ITGAV: variants seen among roughly 807,000 people sequenced by gnomAD.
The protein encoded by ITGAV is integrin subunit alpha V, also known as integrin alpha-V.
In ITGAV, 76 loss-of-function variants were observed where a neutral mutation model predicts 143.8. The ratio of observed to expected loss-of-function variants is 0.53; its 90% CI spans 0.44 to 0.64. The LOEUF (loss-of-function observed/expected upper bound fraction) is 0.64. Ranked by LOEUF, ITGAV falls within the 30% of genes least tolerant of loss-of-function variation. ITGAV has a pLI of 0.00. For synonymous variants in ITGAV, 453 were observed against 446.7 expected, an observed-to-expected ratio of 1.01 and a Z score of -0.18; for missense variants, 1,193 against 1,274.7, an observed-to-expected ratio of 0.94 and a Z score of 0.98.
In ITGAV at chr2:186,665,189, C is replaced by T. The variant is rs770275333; in HGVS notation, c.2137C>T (p.Leu713Phe). 7 of 1,611,898 alleles carry T rather than the reference C, an allele frequency of 4.3e-6. No homozygotes were observed. The Admixed American group carries it at 1.2e-4, about 27-fold the overall frequency. The change falls in exon 21 of 30, where the codon CTT becomes TTT. Residue 713 changes from leucine (L) to phenylalanine (F), a missense_variant. By Grantham distance (22) the Leu-to-Phe change is conservative (BLOSUM62 0). Coordinates refer to ENST00000261023, the MANE Select transcript of ITGAV (RefSeq NM_002210.5). ...CCAAACTCGCCAGGTGGTATGTGACCTTGGAAACCCAATGAAGGCTGGAAC... is the reference window on the plus strand; with the variant it reads ...CCAAACTCGCCAGGTGGTATGTGACTTTGGAAACCCAATGAAGGCTGGAAC... ...ENQTRQVVCD[L>F]GNPMKAGTQL...
chr2:186,602,193 G>GAT, intron 2 of ITGAV, 42 bp downstream of exon 2: 3 of 1,559,604 alleles, frequency 1.9e-6, no homozygotes, highest in Non-Finnish European at 2.6e-6. Context: ...GATTTCATTT[G>GAT]ATTTTTTTTT....
intron 26 of ITGAV, among the ~76,000 whole-genome samples, chr2:186,674,332 A>G (rs879281656): frequency 1.3e-5 from 2 of 151,948 alleles, no homozygotes; most frequent in Non-Finnish European, 2.9e-5. Flanking sequence ...TTTCTTATTG[A>G]TAGTATACTG....
intron 18 of ITGAV, among the ~76,000 whole-genome samples, chr2:186,661,523 G>T (rs568051028): frequency 1.6e-4 from 24 of 151,624 alleles, no homozygotes; most frequent in African/African-American, 5.8e-4. Context: ...GAGATTTAGT[G>T]CTTTCTGCAG....
intron 3 of ITGAV, among the ~76,000 whole-genome samples, chr2:186,622,765 T>C (rs761473517): frequency 8.6e-5 from 13 of 151,942 alleles, no homozygotes; most frequent in South Asian, 2.1e-4. Flanking sequence ...CTCTCTCTCT[T>C]TTTTTTTCTT....
In ITGAV at chr2:186,622,419, G is replaced by A; in HGVS notation, c.397G>A (p.Asp133Asn). 6 of 1,611,512 alleles carry A rather than the reference G, an allele frequency of 3.7e-6. No homozygotes were observed. The highest frequency in any genetic ancestry group is 3.4e-6 in the Non-Finnish European group (4 of 1,177,688). Residue 133 changes from aspartate to asparagine, a missense_variant, in exon 3 of 30, where the codon GAT becomes AAT. Coordinates refer to ENST00000261023, the MANE Select transcript of ITGAV (RefSeq NM_002210.5). ...WFGASVRSKQ[D>N]KILACAPLYH... ...TGGAGCATCTGTGAGGTCGAAACAGGATAAAATTTTGGTGAGTCTTCTGGA... is the reference window on the plus strand; with the variant it reads ...TGGAGCATCTGTGAGGTCGAAACAGAATAAAATTTTGGTGAGTCTTCTGGA...
intron 1 of ITGAV, among the ~76,000 whole-genome samples, chr2:186,601,113 T>C (rs907563116): frequency 6.6e-6 from 1 of 152,100 alleles, no homozygotes; most frequent in Non-Finnish European, 1.5e-5. Flanking sequence ...AAATTAAAAA[T>C]TTTACTCCTG....
chr2:186,638,631 CGTGTGTGTGTGTGTGTGTGTGTGTGT>C (rs34535817), intron 10 of ITGAV, among the ~76,000 whole-genome samples, 166 bp downstream of exon 10: 2 of 144,794 alleles, frequency 1.4e-5, no homozygotes, highest in Non-Finnish European at 3.0e-5. Context: ...CTCTTTTGAG[CGTGTGTGTGTGTGTGTGTGTGTGTGT>C]GTGTGTGTGT....
At chr2:186,602,230 C>T in intron 2 of ITGAV, 79 bp downstream of exon 2, 5 of 1,188,600 alleles carry the variant, frequency 4.2e-6, no homozygotes, top group Non-Finnish European at 6.0e-6. Flanking sequence ...TAAATGTAGC[C>T]ATTTAATACA....
intron 2 of ITGAV, among the ~76,000 whole-genome samples, chr2:186,617,624 A>G (rs1687401817): frequency 6.6e-6 from 1 of 152,202 alleles, no homozygotes; most frequent in African/African-American, 2.4e-5. Context: ...GCCTTATGTT[A>G]ATTTATATAA....
intron 2 of ITGAV, 84 bp from the exon 3 acceptor site, chr2:186,622,255 C>T (rs1009819300): frequency 1.1e-6 from 1 of 919,044 alleles, no homozygotes. Context: ...TGTACTATTT[C>T]TCAACCTAGC....
rs181438255 is a variant in ITGAV, at chr2:186,632,113, C to A, written c.586-1216C>A. Reference sequence around the variant, plus strand: ...TAGGTACTGATAATTATAGTTAACTCTTCTTACTAGGTAACTTGTTTTTAA... The same window carrying A: ...TAGGTACTGATAATTATAGTTAACTATTCTTACTAGGTAACTTGTTTTTAA... On this transcript the variant is annotated intron_variant, in intron 5 of 29. Coordinates refer to ENST00000261023, the MANE Select transcript of ITGAV (RefSeq NM_002210.5). Among the ~76,000 whole-genome samples the A allele has an allele frequency of 3.2e-3, 480 of 151,844 alleles. 7 individuals carry two copies. Among genetic ancestry groups the A allele is most frequent in the African/African-American group, 0.011 (461 of 41,414 alleles).
chr2:186,615,488 T>C (rs1687328049), intron 2 of ITGAV, among the ~76,000 whole-genome samples: 1 of 152,174 alleles, frequency 6.6e-6, no homozygotes, highest in Non-Finnish European at 1.5e-5. Flanking sequence ...TTTTATATTA[T>C]AATAACCATC....
At chr2:186,652,123 T>C in intron 15 of ITGAV, 34 bp downstream of exon 15, 1 of 1,258,804 alleles carries the variant, frequency 7.9e-7, no homozygotes, top group Non-Finnish European at 1.2e-6. Flanking sequence ...GTTATTATTG[T>C]GATTATTGTT....
At chr2:186,645,247 G>A (rs996359734) in intron 12 of ITGAV, among the ~76,000 whole-genome samples, 2 of 152,154 alleles carry the variant, frequency 1.3e-5, no homozygotes, top group Non-Finnish European at 2.9e-5. Flanking sequence ...TGCGTAGGGT[G>A]GCTAGGGAAT....
intron 2 of ITGAV, among the ~76,000 whole-genome samples, chr2:186,605,726 G>T (rs192144487): frequency 4.2e-5 from 6 of 141,492 alleles, no homozygotes; most frequent in Admixed American, 7.3e-5. Flanking sequence ...AAGTCCTTTA[G>T]TGGTTGTAGA....
rs573564737 is a variant in ITGAV, at chr2:186,674,668, C to T, written c.2707-936C>T. Reference sequence around the variant, plus strand: ...CTGGGATTACAGGTGCCCACCATCACGCCTGGCTAATTTTTGTATTTTGAG... The same window carrying T: ...CTGGGATTACAGGTGCCCACCATCATGCCTGGCTAATTTTTGTATTTTGAG... On this transcript the variant is annotated intron_variant, in intron 26 of 29. Coordinates refer to ENST00000261023, the MANE Select transcript of ITGAV (RefSeq NM_002210.5). 3.9e-5 allele frequency among the ~76,000 whole-genome samples: 6 copies of T among 152,070 alleles called. No homozygotes were observed. The South Asian group carries it at 1.0e-3, about 26-fold the overall frequency.
intron 1 of ITGAV, among the ~76,000 whole-genome samples, chr2:186,600,608 T>TAAC (rs1362830123): frequency 2.0e-5 from 3 of 152,130 alleles, no homozygotes; most frequent in Non-Finnish European, 4.4e-5. Context: ...GTAATAGTAA[T>TAAC]TTATTTATTG....
At chr2:186,597,255 G>A (rs1157014009) in intron 1 of ITGAV, among the ~76,000 whole-genome samples, 1 of 152,066 alleles carries the variant, frequency 6.6e-6, no homozygotes, top group Non-Finnish European at 1.5e-5. Context: ...AATAACTTCC[G>A]AGCTCTCTCT....
rs2105723947 is a variant in ITGAV at position 186,649,892 on chromosome 2, AT to A, written c.1397+11del. ...ATCGAGCTATCTTATACAGGTGAGC[AT>A]TTTCTGTATCCTGCGGTATAGGAAT... On this transcript the variant is annotated splice_region_variant and intron_variant, in intron 14 of 29. Coordinates refer to ENST00000261023, the MANE Select transcript of ITGAV (RefSeq NM_002210.5). 6.4e-7 allele frequency: 1 copy of A among 1,553,264 alleles called. No homozygotes were observed. Among genetic ancestry groups the A allele is most frequent in the Non-Finnish European group, 8.8e-7 (1 of 1,142,194 alleles).
Sources: allele counts gnomAD v4.1 joint callset (sites outside exome capture counted in the v4.1 genomes callset), GRCh38; gene constraint gnomAD v4.1.1; transcripts MANE v1.5; gene names NCBI Gene and HGNC (gene_info 2026-07-23, HGNC 2026-07-21).